Variants in ABCA5 observed in about 807,000 individuals in gnomAD.
ABCA5 encodes ATP binding cassette subfamily A member 5.
A neutral mutation model predicts 206.0 loss-of-function variants in ABCA5; 163 were observed. The ratio of observed to expected loss-of-function variants is 0.79; its 90% confidence interval spans 0.70 to 0.90. The LOEUF is 0.90. ABCA5 is among the 40% of genes least tolerant of loss of function. The pLI is 0.00. For synonymous variants in ABCA5, 609 were observed against 613.8 expected, an observed-to-expected ratio of 0.99 and a Z score of 0.11; for missense variants, 1,859 against 1,912.9, an observed-to-expected ratio of 0.97 and a Z score of 0.53.
At chr17:69,269,953 G>T (rs2075254117) in intron 22 of ABCA5, among the ~76,000 whole-genome samples, 1 of 152,038 alleles carries the variant, frequency 6.6e-6, no homozygotes, top group Non-Finnish European at 1.5e-5. Context: ...ATGAGTATAA[G>T]GGTTATTTTT....
intron 25 of ABCA5, 134 bp downstream of exon 25, chr17:69,261,501 C>CAAAAA: frequency 1.6e-6 from 1 of 621,616 alleles, no homozygotes; most frequent in Non-Finnish European, 2.7e-6. Flanking sequence ...AATGTACACA[C>CAAAAA]AAAAAGAAGC....
At chr17:69,302,078 AT>A (rs1184429268) in intron 8 of ABCA5, among the ~76,000 whole-genome samples, 1 of 152,204 alleles carries the variant, frequency 6.6e-6, no homozygotes, top group East Asian at 1.9e-4. Context: ...CAGAACTTCT[AT>A]CCAACCAACA....
intron 37 of ABCA5, 27 bp downstream of exon 37, chr17:69,249,878 T>TAAGCCA: frequency 6.4e-7 from 1 of 1,550,530 alleles, no homozygotes; most frequent in Non-Finnish European, 8.7e-7. Flanking sequence ...AGGAATTTTA[T>TAAGCCA]AAGCCAAAAT....
intron 1 of ABCA5, among the ~76,000 whole-genome samples, chr17:69,324,282 AG>A (rs1241284898): frequency 4.6e-5 from 7 of 152,218 alleles, no homozygotes; most frequent in Non-Finnish European, 1.0e-4. Flanking sequence ...CCTGGAAAGG[AG>A]TGGAATGGAA....
intron 1 of ABCA5, 200 bp from the exon 2 acceptor site, chr17:69,314,630 T>C (rs1032379797): frequency 2.6e-5 from 12 of 467,024 alleles, no homozygotes; most frequent in Non-Finnish European, 4.5e-5. Flanking sequence ...GCATGTGAAA[T>C]AGGGTAGACC....
intron 23 of ABCA5, among the ~76,000 whole-genome samples, chr17:69,266,329 G>A (rs941244873): frequency 5.3e-5 from 8 of 152,052 alleles, no homozygotes; most frequent in African/African-American, 1.9e-4. Context: ...CTGTGTCAAT[G>A]CCAATACCCT....
chr17:69,299,876 G>A (rs1208441489), intron 9 of ABCA5, among the ~76,000 whole-genome samples: 1 of 152,078 alleles, frequency 6.6e-6, no homozygotes, highest in Non-Finnish European at 1.5e-5. Flanking sequence ...AAAAAGGGGT[G>A]AAGTGCTCAG....
At chr17:69,294,521 C>T in intron 11 of ABCA5, 134 bp downstream of exon 11, 1 of 843,290 alleles carries the variant, frequency 1.2e-6, no homozygotes, top group Non-Finnish European at 1.8e-6. Flanking sequence ...GACTCCATCT[C>T]AAAAAAAATA....
At chr17:69,270,896 TAA>T (rs1424933675) in intron 21 of ABCA5, 146 bp from the exon 22 acceptor site, 10 of 826,200 alleles carry the variant, frequency 1.2e-5, no homozygotes, top group Non-Finnish European at 1.8e-5. Context: ...CAATGACAGA[TAA>T]AGACAATCTG....
intron 11 of ABCA5, among the ~76,000 whole-genome samples, chr17:69,293,027 T>C (rs2075544775): frequency 6.6e-6 from 1 of 152,198 alleles, no homozygotes; most frequent in Non-Finnish European, 1.5e-5. Context: ...ACTTTCTTCT[T>C]AATAAATTAA....
chr17:69,297,884 T>C (rs1443428418), intron 9 of ABCA5, among the ~76,000 whole-genome samples: 1 of 152,012 alleles, frequency 6.6e-6, no homozygotes, highest in Non-Finnish European at 1.5e-5. Context: ...ATATGAGACT[T>C]AGAAATGGTA....
intron 19 of ABCA5, among the ~76,000 whole-genome samples, chr17:69,274,839 C>T (rs1332219561): frequency 1.6e-4 from 14 of 85,744 alleles, no homozygotes; most frequent in Non-Finnish European, 2.2e-4. Context: ...TAACCATTTA[C>T]TTTTTTTTTT....
chr17:69,264,217 C>T (rs2075182884), intron 24 of ABCA5, among the ~76,000 whole-genome samples: 1 of 152,090 alleles, frequency 6.6e-6, no homozygotes, highest in African/African-American at 2.4e-5. Context: ...AATTCCTTCA[C>T]CAATGTTTTG....
In ABCA5 at chr17:69,253,810, G is replaced by A. The variant is rs766687347; in HGVS notation, c.4304C>T (p.Ala1435Val). ...TGAAAGTACCTTTCGTTTGATTCCT[G>A]CAGGTAGTTTCTTTACAGTCTTCTG... is the stretch of plus-strand genomic sequence containing the variant. Reference protein sequence around the residue: ...HLQKTVKKLPAGIKRKLCFAL... With the variant: ...HLQKTVKKLPVGIKRKLCFAL... The change falls in exon 33 of 39, where the codon GCA becomes GTA. Residue 1435 changes from alanine (A) to valine (V), a missense_variant. By Grantham distance (64) the Ala-to-Val change is moderately conservative. Coordinates refer to ENST00000392676, the MANE Select transcript of ABCA5 (RefSeq NM_172232.4). 4 of 1,612,528 alleles carry A rather than the reference G, an allele frequency of 2.5e-6. No individual in the cohort carries two copies. The highest frequency in any genetic ancestry group is 3.3e-5 in the Admixed American group (2 of 59,928).
At chr17:69,318,423 T>C (rs2075835414) in intron 1 of ABCA5, among the ~76,000 whole-genome samples, 1 of 152,114 alleles carries the variant, frequency 6.6e-6, no homozygotes, top group African/African-American at 2.4e-5. Flanking sequence ...GTTTGTCTTT[T>C]CCAGTAAATA....
rs147123123 is a variant in ABCA5, at chr17:69,288,719, G to GAAGAAAGAAAGA, written c.1902+446_1902+457dup. On this transcript the variant is annotated intron_variant, in intron 14 of 38. Coordinates refer to ENST00000392676, the MANE Select transcript of ABCA5 (RefSeq NM_172232.4). The stretch of plus-strand genomic sequence containing the variant: ...CGTCTCTACAAATTAAAAAAAAAAA[G>GAAGAAAGAAAGA]AAGAAAGAAAGAAAGAAAGAAAGAA... Among the ~76,000 whole-genome samples the GAAGAAAGAAAGA allele has an allele frequency of 5.1e-3, 735 of 145,248 alleles. 6 individuals are homozygous for GAAGAAAGAAAGA. The highest frequency in any genetic ancestry group is 0.017 in the African/African-American group (679 of 39,196).
chr17:69,245,001 G>A lies in ABCA5; in HGVS notation c.*2536C>T, dbSNP rs74711851. ...ACAGGGCCAAAACTGATAGTCATCC[G>A]AGTTCTCTCCAAAGAATCCATTTCT... is the stretch of plus-strand genomic sequence containing the variant. On this transcript the variant is annotated 3_prime_UTR_variant, in exon 39 of 39. Coordinates refer to ENST00000392676, the MANE Select transcript of ABCA5 (RefSeq NM_172232.4). 8 of 150,992 alleles carry A rather than the reference G, an allele frequency of 5.3e-5. No homozygotes were observed. The highest frequency in any genetic ancestry group is 4.6e-4 in the Admixed American group (7 of 15,170). The allele number at this position is 150,992 out of a possible 1,614,324, so 9.4% of individuals were successfully genotyped here.
At chr17:69,318,944 G>C (rs953918752) in intron 1 of ABCA5, 5 of 613,872 alleles carry the variant, frequency 8.1e-6, no homozygotes, top group African/African-American at 7.4e-5. Context: ...CATCATGTTA[G>C]AAGCCTTGGA....
At chr17:69,256,126 T>C in intron 29 of ABCA5, 31 bp downstream of exon 29, 1 of 1,526,992 alleles carries the variant, frequency 6.5e-7, no homozygotes, top group Middle Eastern at 1.8e-4. Flanking sequence ...ATTTCATATT[T>C]ACTATGACTT....
Sources: allele counts gnomAD v4.1 joint callset (sites outside exome capture counted in the v4.1 genomes callset), GRCh38; gene constraint gnomAD v4.1.1; transcripts MANE v1.5; gene names NCBI Gene and HGNC (gene_info 2026-07-23, HGNC 2026-07-21).